Variants in RIT2 observed in about 807,000 individuals in gnomAD.
RIT2 encodes Ras like without CAAX 2.
A neutral mutation model predicts 23.7 loss-of-function variants in RIT2; 24 were observed. The observed-to-expected ratio is 1.01, with a 90% CI of 0.73 to 1.43. The LOEUF is 1.43. Ranked by LOEUF, RIT2 falls within the 40% of genes most tolerant of loss-of-function variation. The pLI is 0.00. For synonymous variants in RIT2, 107 were observed against 91.1 expected (o/e 1.17, Z -0.99); for missense variants, 236 against 266.9 (o/e 0.88, Z 0.81).
At chr18:42,913,291 A>C (rs1204616316) in intron 4 of RIT2, among the ~76,000 whole-genome samples, 1 of 151,840 alleles carries the variant, frequency 6.6e-6, no homozygotes, top group Non-Finnish European at 1.5e-5. Flanking sequence ...AGAAAAGAAC[A>C]TAAAAGAAAC....
intron 1 of RIT2, among the ~76,000 whole-genome samples, chr18:43,052,284 A>G (rs1467046855): frequency 6.6e-6 from 1 of 152,140 alleles, no homozygotes; most frequent in Non-Finnish European, 1.5e-5. Context: ...TATAAAAATA[A>G]TGGCTGCTCT....
chr18:42,865,708 G>T (rs888025220), intron 4 of RIT2, among the ~76,000 whole-genome samples: 1 of 152,266 alleles, frequency 6.6e-6, no homozygotes. Context: ...CATTGGTTAT[G>T]CAGATTGCTT....
intron 1 of RIT2, among the ~76,000 whole-genome samples, chr18:43,061,684 A>T (rs938268800): frequency 1.3e-5 from 2 of 152,066 alleles, no homozygotes; most frequent in African/African-American, 4.8e-5. Context: ...CAGACCAATC[A>T]GCAAGTAGTC....
At chr18:43,095,824 T>TACAG (rs1913539294) in intron 1 of RIT2, among the ~76,000 whole-genome samples, 1 of 151,976 alleles carries the variant, frequency 6.6e-6, no homozygotes, top group Non-Finnish European at 1.5e-5. Flanking sequence ...TGGAAATACT[T>TACAG]ATGTACAGAA....
chr18:43,091,590 G>T (rs1209827894), intron 1 of RIT2, among the ~76,000 whole-genome samples: 3 of 152,030 alleles, frequency 2.0e-5, no homozygotes, highest in South Asian at 2.1e-4. Context: ...GGGCCTGCAA[G>T]GCTGATTTCC....
chr18:42,963,921 A>G (rs371160126), intron 3 of RIT2, among the ~76,000 whole-genome samples: 4 of 151,634 alleles, frequency 2.6e-5, no homozygotes, highest in African/African-American at 9.7e-5. Flanking sequence ...GCTGGGCATG[A>G]TGACTCACAC....
chr18:43,023,082 C>G (rs1367137236), intron 2 of RIT2, among the ~76,000 whole-genome samples: 1 of 152,016 alleles, frequency 6.6e-6, no homozygotes, highest in Non-Finnish European at 1.5e-5. Flanking sequence ...TTTCAGTTCT[C>G]TTAACTTCCT....
chr18:42,881,222 C>T (rs530865953), intron 4 of RIT2, among the ~76,000 whole-genome samples: 2 of 152,294 alleles, frequency 1.3e-5, no homozygotes, highest in Admixed American at 6.5e-5. Context: ...AAACAAAAAA[C>T]AGAGGTTGTT....
In RIT2 at chr18:42,948,669, C is replaced by G. The variant is rs1015367623; in HGVS notation, c.235-24906G>C. On this transcript the variant is annotated intron_variant, in intron 3 of 4. Coordinates refer to ENST00000326695, the MANE Select transcript of RIT2 (RefSeq NM_002930.4). ...GAGGTATTTGTTAATACATCCTTATCCTCTGAAAAGTGTCCTATTTGGAAA... is the reference window on the plus strand; with the variant it reads ...GAGGTATTTGTTAATACATCCTTATGCTCTGAAAAGTGTCCTATTTGGAAA... Among the ~76,000 whole-genome samples, 9 of 152,142 alleles carry G rather than the reference C, an allele frequency of 5.9e-5. 2 individuals are homozygous for G. Among genetic ancestry groups the G allele is most frequent in the Admixed American group, 5.2e-4 (8 of 15,262 alleles).
intron 4 of RIT2, among the ~76,000 whole-genome samples, chr18:42,759,849 C>T (rs1473518924): frequency 6.6e-6 from 1 of 151,672 alleles, no homozygotes; most frequent in African/African-American, 2.4e-5. Flanking sequence ...ATGATTTCGG[C>T]TCACCGCAAC....
chr18:43,046,123 C>A (rs1912241198), intron 1 of RIT2, among the ~76,000 whole-genome samples: 2 of 151,830 alleles, frequency 1.3e-5, no homozygotes, highest in South Asian at 4.2e-4. Flanking sequence ...TGGGACAAAC[C>A]CAGAAAGATA....
chr18:42,889,468 C>CCATTA (rs1205785000), intron 4 of RIT2, among the ~76,000 whole-genome samples: 1 of 151,908 alleles, frequency 6.6e-6, no homozygotes, highest in African/African-American at 2.4e-5. Flanking sequence ...AGTAGAATTA[C>CCATTA]CATTGACTAT....
At chr18:42,996,454 A>C (rs932666883) in intron 2 of RIT2, among the ~76,000 whole-genome samples, 16 of 152,152 alleles carry the variant, frequency 1.1e-4, no homozygotes, top group African/African-American at 3.6e-4. Context: ...TTGCAGGTAC[A>C]CATCCAGATG....
At chr18:42,827,220 G>A (rs909965604) in intron 4 of RIT2, among the ~76,000 whole-genome samples, 1 of 152,184 alleles carries the variant, frequency 6.6e-6, no homozygotes, top group Non-Finnish European at 1.5e-5. Flanking sequence ...TATTTTAGAG[G>A]AGGTATCAGA....
chr18:42,759,527 C>T (rs1173909932), intron 4 of RIT2, among the ~76,000 whole-genome samples: 1 of 151,906 alleles, frequency 6.6e-6, no homozygotes, highest in Non-Finnish European at 1.5e-5. Flanking sequence ...GTGCACAAGA[C>T]AAGAGCATTT....
intron 3 of RIT2, chr18:42,948,873 A>G (rs1909786120): frequency 2.5e-6 from 1 of 393,688 alleles, no homozygotes; most frequent in African/African-American, 2.1e-5. Context: ...AACAAGTTAA[A>G]TCCCAAAGTA....
At chr18:42,823,210 C>T (rs1320297259) in intron 4 of RIT2, among the ~76,000 whole-genome samples, 2 of 152,088 alleles carry the variant, frequency 1.3e-5, no homozygotes, top group Non-Finnish European at 1.5e-5. Flanking sequence ...GCTCCCTCAG[C>T]AGTGGTATTT....
intron 1 of RIT2, among the ~76,000 whole-genome samples, chr18:43,095,570 G>C (rs1191360763): frequency 6.6e-6 from 1 of 151,834 alleles, no homozygotes; most frequent in African/African-American, 2.4e-5. Context: ...CTCACTACTT[G>C]GGAGAAAATT....
At chr18:43,004,958 A>AG (rs1443505069) in intron 2 of RIT2, among the ~76,000 whole-genome samples, 3 of 151,836 alleles carry the variant, frequency 2.0e-5, no homozygotes, top group African/African-American at 4.8e-5. Context: ...GAGGTGAGAG[A>AG]GGGGGAAAAA....
Sources: allele counts gnomAD v4.1 joint callset (sites outside exome capture counted in the v4.1 genomes callset), GRCh38; gene constraint gnomAD v4.1.1; transcripts MANE v1.5; gene names NCBI Gene and HGNC (gene_info 2026-07-23, HGNC 2026-07-21).